COL10A1: variants seen among roughly 807,000 people sequenced by gnomAD.
COL10A1 encodes collagen alpha-1(X) chain.
COL10A1 carries 10 observed loss-of-function variants against 18.2 expected under a neutral mutation model. The observed-to-expected ratio is 0.55, with a 90% CI of 0.34 to 0.93. The LOEUF is 0.93. Ranked by LOEUF, COL10A1 falls within the 40% of genes least tolerant of loss-of-function variation. The pLI, the probability that COL10A1 is intolerant of heterozygous loss-of-function variation, is 0.02. For synonymous variants in COL10A1, 330 were observed against 316.6 expected (o/e 1.04, Z -0.45); for missense variants, 897 against 853.5 (o/e 1.05, Z -0.64).
upstream of COL10A1, among the ~76,000 whole-genome samples, chr6:116,162,636 G>A (rs115187230): frequency 2.3e-3 from 354 of 152,234 alleles, no homozygotes; most frequent in African/African-American, 8.4e-3. Flanking sequence ...ACTTGATCGT[G>A]ATGAATTATC....
chr6:116,120,156 G>A lies in COL10A1; in HGVS notation c.1960C>T (p.Leu654Phe). The A allele has an allele frequency of 6.2e-7, 1 of 1,614,160 alleles. No individual in the cohort carries two copies. The highest frequency in any genetic ancestry group is 8.5e-7 in the Non-Finnish European group (1 of 1,180,034). The change falls in exon 3 of 3, where the codon CTT becomes TTT. Residue 654 changes from leucine (L) to phenylalanine (F), a missense_variant. Physicochemically the swap from Leu to Phe is conservative, Grantham distance 22 (BLOSUM62 0). Coordinates refer to ENST00000651968, the MANE Select transcript of COL10A1 (RefSeq NM_000493.4). ...AGGCCATTTGACTCGGCATTGGGAAGCTGGAGCCACACCTGGTCATTTTCT... is the reference window on the plus strand; with the variant it reads ...AGGCCATTTGACTCGGCATTGGGAAACTGGAGCCACACCTGGTCATTTTCT... Reference protein sequence around the residue: ...LTENDQVWLQLPNAESNGLYS... With the variant: ...LTENDQVWLQFPNAESNGLYS...
chr6:116,144,499 C>CAAA (rs542743486), intron 1 of COL10A1, among the ~76,000 whole-genome samples: 1 of 125,034 alleles, frequency 8.0e-6, no homozygotes. Context: ...GACTCCGTCT[C>CAAA]AAAAAAAAAA....
chr6:116,202,719 A>C, the COL10A1 span, among the ~76,000 whole-genome samples: 1 of 152,040 alleles, frequency 6.6e-6, no homozygotes, highest in Admixed American at 6.6e-5. Context: ...TGCAGTGTAC[A>C]GTTTCATAAA....
chr6:116,136,812 C>T (rs1274435848), intron 1 of COL10A1, among the ~76,000 whole-genome samples: 3 of 152,078 alleles, frequency 2.0e-5, no homozygotes, highest in Admixed American at 1.3e-4. Context: ...AACAAGAAGC[C>T]CTCAGATTCA....
At chr6:116,192,189 GTTAA>G in the COL10A1 span, among the ~76,000 whole-genome samples, 12 of 152,148 alleles carry the variant, frequency 7.9e-5, no homozygotes, top group East Asian at 3.9e-4. Context: ...GATTTTGCCA[GTTAA>G]TTAACCTCTG....
chr6:116,208,522 T>G, the COL10A1 span, among the ~76,000 whole-genome samples: 3 of 152,186 alleles, frequency 2.0e-5, no homozygotes, highest in African/African-American at 7.2e-5. Flanking sequence ...CACAGTTAAT[T>G]TGTAAGGCTG....
chr6:116,184,814 A>T, the COL10A1 span, among the ~76,000 whole-genome samples: 1 of 152,026 alleles, frequency 6.6e-6, no homozygotes, highest in Non-Finnish European at 1.5e-5. Context: ...AATCTAATTT[A>T]TCTTTTCAAA....
the COL10A1 span, among the ~76,000 whole-genome samples, chr6:116,175,455 C>T: frequency 2.0e-5 from 3 of 152,164 alleles, no homozygotes; most frequent in African/African-American, 7.2e-5. Context: ...TGTTTGATAT[C>T]CTTCATTATT....
the COL10A1 span, among the ~76,000 whole-genome samples, chr6:116,187,752 A>G: frequency 6.6e-6 from 1 of 152,122 alleles, no homozygotes; most frequent in East Asian, 1.9e-4. Context: ...AAATCAGTAA[A>G]GCTATCAGAA....
the COL10A1 span, among the ~76,000 whole-genome samples, chr6:116,198,014 GA>G: frequency 5.9e-5 from 9 of 152,168 alleles, no homozygotes; most frequent in South Asian, 1.9e-3. Context: ...GCTTTGCTCA[GA>G]AAATGTCCTT....
At chr6:116,124,521 T>C (rs1481034297) in intron 2 of COL10A1, among the ~76,000 whole-genome samples, 2 of 152,196 alleles carry the variant, frequency 1.3e-5, no homozygotes, top group Admixed American at 1.3e-4. Flanking sequence ...AGTTAACTTA[T>C]TGAAGGCTAT....
the COL10A1 span, among the ~76,000 whole-genome samples, chr6:116,203,154 T>G: frequency 5.1e-3 from 776 of 152,140 alleles, 6 homozygotes; most frequent in African/African-American, 0.017. Flanking sequence ...GTGGTTGCTT[T>G]TCTATACTAA....
chr6:116,159,108 G>C (rs1252340222), upstream of COL10A1, among the ~76,000 whole-genome samples: 1 of 152,096 alleles, frequency 6.6e-6, no homozygotes, highest in Non-Finnish European at 1.5e-5. Flanking sequence ...GCAATGTTAT[G>C]GAATTCCACA....
intron 1 of COL10A1, among the ~76,000 whole-genome samples, chr6:116,135,478 T>C (rs2114344217): frequency 6.6e-6 from 1 of 152,084 alleles, no homozygotes; most frequent in South Asian, 2.1e-4. Flanking sequence ...GAGCCCTCAG[T>C]TCTGCTTGTT....
chr6:116,143,913 A>C (rs1779827041), intron 1 of COL10A1, among the ~76,000 whole-genome samples: 2 of 152,352 alleles, frequency 1.3e-5, no homozygotes, highest in South Asian at 4.1e-4. Flanking sequence ...AACAATTACC[A>C]AAATATTTGT....
the COL10A1 span, among the ~76,000 whole-genome samples, chr6:116,203,230 G>T: frequency 6.6e-6 from 1 of 151,828 alleles, no homozygotes; most frequent in Non-Finnish European, 1.5e-5. Context: ...TTTAACACTT[G>T]TTTTTATTCT....
At chr6:116,145,887 G>T (rs151228695) in intron 1 of COL10A1, among the ~76,000 whole-genome samples, 1 of 152,118 alleles carries the variant, frequency 6.6e-6, no homozygotes, top group Admixed American at 6.5e-5. Context: ...TTATGTGATG[G>T]TATTTGAGAG....
the COL10A1 span, among the ~76,000 whole-genome samples, chr6:116,185,861 C>T: frequency 6.6e-6 from 1 of 152,086 alleles, no homozygotes; most frequent in African/African-American, 2.4e-5. Context: ...AGGCCCTTTA[C>T]ATTCAACGTT....
intron 1 of COL10A1, among the ~76,000 whole-genome samples, chr6:116,135,660 AT>A (rs559180467): frequency 6.7e-6 from 1 of 149,624 alleles, no homozygotes. Flanking sequence ...ACTAACAAAC[AT>A]TTTTTTTTCC....
Sources: gnomAD v4.1 joint callset for allele counts (sites outside exome capture counted in the v4.1 genomes callset) on GRCh38, gnomAD v4.1.1 for gene constraint, MANE v1.5 for transcripts, NCBI Gene and HGNC (gene_info 2026-07-23, HGNC 2026-07-21) for gene names.